The following DNAJC1 variants were observed in gnomAD, a reference collection of about 807,000 sequenced individuals.
DNAJC1 encodes the protein DnaJ heat shock protein family (Hsp40) member C1.
DNAJC1 carries 58 observed loss-of-function variants against 76.6 expected under a neutral mutation model. That is an observed-to-expected ratio of 0.76 (90% CI 0.61 to 0.94). DNAJC1 has a LOEUF of 0.94. Among genes scored for constraint, DNAJC1 ranks in the 40% least tolerant of loss-of-function variants. The probability of loss-of-function intolerance (pLI) is 0.00; values close to 1 mark genes in which losing one functional copy is unlikely to be tolerated. For missense variants in DNAJC1, 689 were observed against 677.3 expected (o/e 1.02, Z -0.19); for synonymous variants, 258 against 267.9 (o/e 0.96, Z 0.36).
At chr10:21,839,948 T>A (rs900136753) in intron 8 of DNAJC1, among the ~76,000 whole-genome samples, 4 of 152,266 alleles carry the variant, frequency 2.6e-5, no homozygotes, top group Admixed American at 6.5e-5. Flanking sequence ...TGGTTCAACA[T>A]ACGCAAATCA....
intron 8 of DNAJC1, among the ~76,000 whole-genome samples, chr10:21,837,684 C>T (rs1232789448): frequency 6.6e-6 from 1 of 151,248 alleles, no homozygotes; most frequent in South Asian, 2.1e-4. Flanking sequence ...GCAGCCGCCC[C>T]GTCTGGGAAG....
chr10:21,911,921 A>C (rs1836870548), intron 6 of DNAJC1, among the ~76,000 whole-genome samples: 1 of 152,194 alleles, frequency 6.6e-6, no homozygotes, highest in African/African-American at 2.4e-5. Context: ...GGCTAAACGT[A>C]AGTGTTCTGA....
Position 21,848,609 on chromosome 10 carries a change from T to C in DNAJC1, c.978+33673A>G, listed in dbSNP as rs571184637. 2.1e-4 allele frequency among the ~76,000 whole-genome samples: 32 copies of C among 152,304 alleles called. No homozygotes were observed. In the South Asian group the frequency reaches 5.8e-3, roughly 28 times the overall value. ...GAAGATAAATAGGGAACCAGAGGAT[T>C]TGAATAACATTATAAACCAAATAGA... On this transcript the variant is annotated intron_variant, in intron 8 of 11. Coordinates refer to ENST00000376980, the MANE Select transcript of DNAJC1 (RefSeq NM_022365.4).
At chr10:21,854,311 T>TA (rs1468577228) in intron 8 of DNAJC1, among the ~76,000 whole-genome samples, 1 of 149,356 alleles carries the variant, frequency 6.7e-6, no homozygotes, top group Non-Finnish European at 1.5e-5. Context: ...GAAAAAACCT[T>TA]ACATTATAAA....
rs371966418 is a variant in DNAJC1 at position 21,759,476 on chromosome 10, G to A, written c.1290C>T (p.Ser430=). 37 of 1,614,140 alleles carry A rather than the reference G, an allele frequency of 2.3e-5. No homozygotes were observed. In the Middle Eastern group the frequency reaches 4.9e-4, roughly 22 times the overall value. ...CAGTGGCCCCGGTCTCCTGCTCACC[G>A]GAGTCTCCCTCCTGCTCCTCCTCCG... ...VAAEEEQEGD[S]GEQETGATDA... Residue 430 remains serine (S), a synonymous_variant, in exon 11 of 12, where the codon TCC becomes TCT. Coordinates refer to ENST00000376980, the MANE Select transcript of DNAJC1 (RefSeq NM_022365.4).
In DNAJC1 at chr10:21,759,394, C is replaced by T. The variant is rs1222073903; in HGVS notation, c.1372G>A (p.Glu458Lys). The stretch of plus-strand genomic sequence containing the variant: ...TTGGCTCTGGACTTCTCCTCTGGCT[C>T]CGGCTTCGCTGTAGCCTCCAGCAGC... ...ARLLEATAKP[E>K]PEEKSRAKRQ... The change falls in exon 11 of 12, where the codon GAG (glutamate) becomes AAG (lysine). Residue 458 changes from glutamate (E) to lysine (K), a missense_variant. Physicochemically the swap from Glu to Lys is moderately conservative, Grantham distance 56 (BLOSUM62 1). Transcript: ENST00000376980. The T allele has an allele frequency of 1.2e-6, 2 of 1,614,060 alleles. No individual in the cohort carries two copies. Among genetic ancestry groups the T allele is most frequent in the East Asian group, 4.5e-5 (2 of 44,890 alleles).
intron 1 of DNAJC1, among the ~76,000 whole-genome samples, chr10:21,956,991 A>G (rs1159255021): frequency 1.3e-5 from 2 of 150,462 alleles, no homozygotes; most frequent in Non-Finnish European, 3.0e-5. Flanking sequence ...TCCCGGGTTC[A>G]AGTGATTCTC....
At chr10:21,864,917 T>A (rs1399660619) in intron 8 of DNAJC1, among the ~76,000 whole-genome samples, 2 of 152,084 alleles carry the variant, frequency 1.3e-5, no homozygotes, top group East Asian at 3.9e-4. Flanking sequence ...CAGTGCTGAA[T>A]GGACATTTCA....
chr10:21,849,308 A>AC (rs1564807250), intron 8 of DNAJC1, among the ~76,000 whole-genome samples: 1 of 150,264 alleles, frequency 6.7e-6, no homozygotes, highest in Non-Finnish European at 1.5e-5. Flanking sequence ...AAAAAAAAAA[A>AC]AAAAAAAAAA....
chr10:21,820,248 G>C (rs1022924753), intron 8 of DNAJC1, among the ~76,000 whole-genome samples: 13 of 152,102 alleles, frequency 8.5e-5, no homozygotes, highest in African/African-American at 3.1e-4. Flanking sequence ...GCATATATCA[G>C]TACTTCATTT....
chr10:21,916,701 G>C (rs1195881892), intron 6 of DNAJC1, among the ~76,000 whole-genome samples: 1 of 151,986 alleles, frequency 6.6e-6, no homozygotes, highest in Non-Finnish European at 1.5e-5. Context: ...TATTTAAGAA[G>C]ATCTAAAATT....
Position 21,909,925 on chromosome 10 carries a change from G to C in DNAJC1, c.730-5313C>G, listed in dbSNP as rs563001957. Among the ~76,000 whole-genome samples, 39 of 152,216 alleles carry C rather than the reference G, an allele frequency of 2.6e-4. No homozygotes were observed. The South Asian group carries it at 7.7e-3, about 30-fold the overall frequency. ...GAGGCATATGCCAGAAACAGACTAAGGTCTATCAGTCTACCGTGATTAATA... is the reference window on the plus strand; with the variant it reads ...GAGGCATATGCCAGAAACAGACTAACGTCTATCAGTCTACCGTGATTAATA... On this transcript the variant is annotated intron_variant, in intron 6 of 11. Transcript: ENST00000376980.
At chr10:21,941,268 CAA>C (rs11435502) in intron 1 of DNAJC1, among the ~76,000 whole-genome samples, 6 of 43,652 alleles carry the variant, frequency 1.4e-4, no homozygotes, top group East Asian at 1.2e-3. Context: ...GACACTGTCT[CAA>C]AAAAAAAAAA....
At chr10:21,880,696 T>C (rs1201570769) in intron 8 of DNAJC1, among the ~76,000 whole-genome samples, 2 of 152,212 alleles carry the variant, frequency 1.3e-5, no homozygotes, top group African/African-American at 2.4e-5. Context: ...TCATCCAGGC[T>C]TTATTGTTCC....
At chr10:21,955,306 A>G (rs1050095311) in intron 1 of DNAJC1, among the ~76,000 whole-genome samples, 45 of 152,304 alleles carry the variant, frequency 3.0e-4, no homozygotes, top group African/African-American at 9.6e-4. Context: ...GAATAGTAAC[A>G]CTCTACATCT....
intron 9 of DNAJC1, among the ~76,000 whole-genome samples, chr10:21,797,239 G>A (rs931264991): frequency 7.2e-5 from 11 of 152,086 alleles, no homozygotes; most frequent in Admixed American, 6.6e-5. Flanking sequence ...GTACCCTTTT[G>A]AAGATTAGTT....
chr10:21,987,751 A>T (rs1838269865), intron 1 of DNAJC1, among the ~76,000 whole-genome samples: 1 of 151,990 alleles, frequency 6.6e-6, no homozygotes, highest in Non-Finnish European at 1.5e-5. Context: ...TAATTGTACA[A>T]CACTCTTCTT....
intron 1 of DNAJC1, among the ~76,000 whole-genome samples, chr10:21,997,906 G>A (rs769774846): frequency 7.2e-5 from 11 of 152,182 alleles, no homozygotes; most frequent in Non-Finnish European, 1.0e-4. Context: ...ATAGAAGTCT[G>A]TAATGACTGA....
intron 9 of DNAJC1, among the ~76,000 whole-genome samples, chr10:21,773,286 GAAGT>G (rs1430402085): frequency 6.6e-6 from 1 of 152,152 alleles, no homozygotes; most frequent in Non-Finnish European, 1.5e-5. Flanking sequence ...TTCCCTCTAA[GAAGT>G]GTGCTAGCTG....
Sources: allele counts gnomAD v4.1 joint callset (sites outside exome capture counted in the v4.1 genomes callset), GRCh38; gene constraint gnomAD v4.1.1; transcripts MANE v1.5; gene names NCBI Gene and HGNC (gene_info 2026-07-23, HGNC 2026-07-21).